Variants in LONP2 observed in about 807,000 individuals in gnomAD.
The protein encoded by LONP2 is lon protease homolog 2, peroxisomal.
Under a neutral mutation model 85.6 loss-of-function variants are expected in LONP2, and 60 were observed. The observed-to-expected ratio is 0.70, with a 90% CI of 0.57 to 0.87. LONP2 has a LOEUF of 0.87. Ranked by LOEUF, LONP2 falls within the 40% of genes least tolerant of loss-of-function variation. The probability of loss-of-function intolerance (pLI) is 0.00; values close to 1 mark genes in which losing one functional copy is unlikely to be tolerated. For missense variants in LONP2, 860 were observed against 1,063.5 expected (o/e 0.81, Z 2.66); for synonymous variants, 395 against 389.7 (o/e 1.01, Z -0.16).
intron 11 of LONP2, among the ~76,000 whole-genome samples, chr16:48,315,997 G>A (rs1249039789): frequency 7.2e-6 from 1 of 139,254 alleles, no homozygotes; most frequent in African/African-American, 2.7e-5. Context: ...TTTTAGAATG[G>A]CCACTGGATA....
intron 12 of LONP2, 200 bp downstream of exon 12, chr16:48,334,558 G>A (rs1959580394): frequency 2.9e-6 from 2 of 700,162 alleles, no homozygotes; most frequent in East Asian, 2.5e-5. Flanking sequence ...GGCGAGCACA[G>A]CTCTTGTGGC....
At chr16:48,346,702 T>C (rs1331696500) in intron 12 of LONP2, among the ~76,000 whole-genome samples, 1 of 152,112 alleles carries the variant, frequency 6.6e-6, no homozygotes, top group Non-Finnish European at 1.5e-5. Context: ...GATCCTGTCG[T>C]CTCAGCCTCC....
intron 1 of LONP2, among the ~76,000 whole-genome samples, chr16:48,251,628 C>T (rs56006148): frequency 0.012 from 1,862 of 152,166 alleles, 39 homozygotes; most frequent in African/African-American, 0.042. Flanking sequence ...GTGATGGCAG[C>T]TTGTGATAAG....
At chr16:48,278,383 T>G (rs1397933533) in intron 8 of LONP2, among the ~76,000 whole-genome samples, 1 of 152,186 alleles carries the variant, frequency 6.6e-6, no homozygotes, top group African/African-American at 2.4e-5. Flanking sequence ...ATTTCCTGTC[T>G]CCTGTATTCC....
chr16:48,314,146 T>TG (rs878956528), intron 11 of LONP2, among the ~76,000 whole-genome samples: 1 of 152,030 alleles, frequency 6.6e-6, no homozygotes, highest in Non-Finnish European at 1.5e-5. Context: ...CACTTTTTAA[T>TG]GGGGTTGTTT....
At position 48,353,996 on chromosome 16, in the gene LONP2, TTTG is replaced by T. The variant is rs1225879410; in HGVS notation, c.*2197_*2199del. The T allele has an allele frequency of 6.7e-6, 1 of 148,508 alleles. No homozygotes were observed. The highest frequency in any genetic ancestry group is 2.6e-5 in the African/African-American group (1 of 39,102). 9.2% of individuals were successfully genotyped at this position (148,508 alleles called of 1,614,324 possible). ...TGCACTAGCTTTGTTTTTGGTTTGT[TTTG>T]TTTTTTTTTTAATTCCAGGGGTGGG... On this transcript the variant is annotated 3_prime_UTR_variant, in exon 15 of 15. Coordinates refer to ENST00000285737, the MANE Select transcript of LONP2 (RefSeq NM_031490.5).
chr16:48,309,221 A>G (rs946828216), intron 11 of LONP2, among the ~76,000 whole-genome samples: 3 of 152,206 alleles, frequency 2.0e-5, no homozygotes, highest in African/African-American at 7.2e-5. Context: ...TACCACCTCT[A>G]TGGAAAACAT....
intron 3 of LONP2, among the ~76,000 whole-genome samples, chr16:48,257,443 T>C (rs941022808): frequency 1.3e-5 from 2 of 152,218 alleles, no homozygotes; most frequent in African/African-American, 2.4e-5. Context: ...ATGTTTCTTA[T>C]ATAAATCACA....
intron 10 of LONP2, among the ~76,000 whole-genome samples, chr16:48,301,893 A>G (rs993653116): frequency 2.0e-5 from 3 of 152,148 alleles, no homozygotes; most frequent in African/African-American, 7.2e-5. Flanking sequence ...CCTCTGTACC[A>G]TTCCTCTTGA....
intron 1 of LONP2, among the ~76,000 whole-genome samples, chr16:48,245,588 CTA>C (rs1971325849): frequency 1.3e-5 from 2 of 152,142 alleles, no homozygotes; most frequent in African/African-American, 4.8e-5. Flanking sequence ...ATTGAAAGTC[CTA>C]TGTTTTAGCC....
At chr16:48,347,879 G>A (rs926817149) in intron 13 of LONP2, among the ~76,000 whole-genome samples, 165 bp downstream of exon 13, 1 of 152,224 alleles carries the variant, frequency 6.6e-6, no homozygotes, top group Non-Finnish European at 1.5e-5. Context: ...TTTGACTAGT[G>A]CCTGAACTAG....
intron 1 of LONP2, 75 bp downstream of exon 1, chr16:48,244,696 G>A (rs1971249037): frequency 9.3e-7 from 1 of 1,078,466 alleles, no homozygotes; most frequent in Middle Eastern, 3.3e-4. Context: ...GCCACGGCCT[G>A]CCTTGAGCGC....
At chr16:48,328,294 C>T (rs2151020384) in intron 11 of LONP2, among the ~76,000 whole-genome samples, 1 of 151,996 alleles carries the variant, frequency 6.6e-6, no homozygotes, top group South Asian at 2.1e-4. Flanking sequence ...ACCTGTAATC[C>T]CAGCACTTTG....
chr16:48,261,603 C>CATTT lies in LONP2; in HGVS notation c.887+17_887+20dup. ...AGATAAAGAGGTAAATTATAAAAGG[C>CATTT]ATTTGTTCATTATTGTTTTCATTCT... On this transcript the variant is annotated intron_variant, in intron 5 of 14. Coordinates refer to ENST00000285737, the MANE Select transcript of LONP2 (RefSeq NM_031490.5). The CATTT allele has an allele frequency of 6.6e-7, 1 of 1,516,128 alleles. No homozygotes were observed. Among genetic ancestry groups the CATTT allele is most frequent in the Non-Finnish European group, 8.9e-7 (1 of 1,127,284 alleles). The allele number at this position is 1,516,128 out of a possible 1,614,324, so 93.9% of individuals were successfully genotyped here. A position where few individuals can be genotyped will look rare whatever the true frequency, so the allele number is the denominator to read the frequency against.
intron 4 of LONP2, 63 bp from the exon 5 acceptor site, chr16:48,261,361 C>A: frequency 8.1e-7 from 1 of 1,233,028 alleles, no homozygotes; most frequent in Non-Finnish European, 1.1e-6. Context: ...CTTATGTGTA[C>A]CTGGGTACTT....
chr16:48,299,596 A>G, intron 9 of LONP2, 66 bp from the exon 10 acceptor site: 1 of 1,550,366 alleles, frequency 6.5e-7, no homozygotes, highest in Non-Finnish European at 8.7e-7. Context: ...AAAAAAAACA[A>G]AAAACAAAGC....
intron 12 of LONP2, among the ~76,000 whole-genome samples, chr16:48,342,316 A>T (rs1959839709): frequency 6.6e-6 from 1 of 152,244 alleles, no homozygotes; most frequent in African/African-American, 2.4e-5. Flanking sequence ...AGCGAATTCC[A>T]GGAGATTCTG....
intron 11 of LONP2, among the ~76,000 whole-genome samples, chr16:48,308,615 C>T (rs899922764): frequency 1.4e-5 from 2 of 138,578 alleles, no homozygotes; most frequent in East Asian, 2.0e-4. Flanking sequence ...GGTATCGCAG[C>T]GAGACTCTGT....
chr16:48,270,486 G>A (rs1212416156), intron 7 of LONP2, among the ~76,000 whole-genome samples: 1 of 152,140 alleles, frequency 6.6e-6, no homozygotes, highest in Non-Finnish European at 1.5e-5. Flanking sequence ...TATGACAGTG[G>A]ATACTACTCT....
Sources: gnomAD v4.1 joint callset for allele counts (sites outside exome capture counted in the v4.1 genomes callset) on GRCh38, gnomAD v4.1.1 for gene constraint, MANE v1.5 for transcripts, NCBI Gene and HGNC (gene_info 2026-07-23, HGNC 2026-07-21) for gene names.